Variants in HFE observed in about 807,000 individuals in gnomAD.
HFE encodes the protein hereditary hemochromatosis protein.
A neutral mutation model predicts 40.9 loss-of-function variants in HFE; 36 were observed. That is an observed-to-expected ratio of 0.88 (90% CI 0.67 to 1.16). HFE has a LOEUF of 1.16. HFE is among the 50% of genes most tolerant of loss of function. The pLI is 0.00. For missense variants in HFE, 376 were observed against 432.0 expected, an observed-to-expected ratio of 0.87 and a Z score of 1.15; for synonymous variants, 157 against 165.4, an observed-to-expected ratio of 0.95 and a Z score of 0.39.
intron 5 of HFE, 150 bp from the exon 6 acceptor site, chr6:26,094,036 G>A: frequency 1.3e-6 from 1 of 778,544 alleles, no homozygotes; most frequent in South Asian, 1.4e-5. Flanking sequence ...AAGCCAATAA[G>A]CATTTCCAGA....
rs1763008894 is a variant in HFE at position 26,095,907 on chromosome 6, A to C, written c.*1681A>C. On this transcript the variant is annotated 3_prime_UTR_variant, in exon 6 of 6. Coordinates refer to ENST00000357618, the MANE Select transcript of HFE (RefSeq NM_000410.4). ...CTAGTGGCCCTGCTGGGCTTCACACACGGTGTCCTCCCTAGGCCAGTGCCT... is the reference window on the plus strand; with the variant it reads ...CTAGTGGCCCTGCTGGGCTTCACACCCGGTGTCCTCCCTAGGCCAGTGCCT... 1 of 152,402 alleles carries C rather than the reference A, an allele frequency of 6.6e-6. No homozygotes were observed. Among genetic ancestry groups the C allele is most frequent in the African/African-American group, 2.4e-5 (1 of 41,434 alleles). The allele number at this position is 152,402 out of a possible 1,614,324, so 9.4% of individuals were successfully genotyped here.
At position 26,094,186 on chromosome 6, in the gene HFE, G is replaced by A; in HGVS notation, c.1007G>A (p.Arg336Lys). 6.2e-7 allele frequency: 1 copy of A among 1,613,922 alleles called. No homozygotes were observed. Among genetic ancestry groups the A allele is most frequent in the Non-Finnish European group, 8.5e-7 (1 of 1,179,994 alleles). ...FIILRKRQGS[R>K]GAMGHYVLAE... Reference sequence around the variant, plus strand: ...TTTCCTGGGTCTCTTGTCTCCACAGGAGGAGCCATGGGGCACTACGTCTTA... The same window carrying A: ...TTTCCTGGGTCTCTTGTCTCCACAGAAGGAGCCATGGGGCACTACGTCTTA... Residue 336 changes from arginine to lysine, a missense_variant and splice_region_variant, in exon 6 of 6, where the codon AGA (arginine) becomes AAA (lysine). Physicochemically the swap from Arg to Lys is conservative, Grantham distance 26. This residue lies in a region of HFE where 173 missense variants were observed against 186.9 expected (regional missense o/e 0.93). Coordinates refer to ENST00000357618, the MANE Select transcript of HFE (RefSeq NM_000410.4).
chr6:26,088,208 A>G (rs1035937069), intron 1 of HFE, among the ~76,000 whole-genome samples: 31 of 152,142 alleles, frequency 2.0e-4, no homozygotes, highest in African/African-American at 5.8e-4. Flanking sequence ...GAACTGAACA[A>G]TTCTCTTTTC....
intron 5 of HFE, among the ~76,000 whole-genome samples, 189 bp from the exon 6 acceptor site, chr6:26,093,997 T>G (rs1762903000): frequency 6.6e-6 from 1 of 151,992 alleles, no homozygotes; most frequent in South Asian, 2.1e-4. Context: ...TGTTAAGAAG[T>G]TAGATGAGAG....
chr6:26,096,507 A>C lies in HFE; in HGVS notation c.*2281A>C, dbSNP rs1264248138. ...TGTTACTACATGCACTTGGCTGCATAAATGTGGTACAAGCATTCTGTCTTG... is the reference window on the plus strand; with the variant it reads ...TGTTACTACATGCACTTGGCTGCATCAATGTGGTACAAGCATTCTGTCTTG... On this transcript the variant is annotated 3_prime_UTR_variant, in exon 6 of 6. Coordinates refer to ENST00000357618, the MANE Select transcript of HFE (RefSeq NM_000410.4). The C allele has an allele frequency of 2.2e-6, 1 of 456,492 alleles. No individual in the cohort carries two copies. The highest frequency in any genetic ancestry group is 3.3e-4 in the Middle Eastern group (1 of 3,062). The allele number at this position is 456,492 out of a possible 1,614,324, so 28.3% of individuals were successfully genotyped here.
chr6:26,089,366 A>T (rs1278745572), intron 1 of HFE, among the ~76,000 whole-genome samples: 1 of 152,198 alleles, frequency 6.6e-6, no homozygotes, highest in East Asian at 1.9e-4. Context: ...GAGGAGCCAC[A>T]AACAAGGTTG....
At position 26,092,088 on chromosome 6, in the gene HFE, C is replaced by T. The variant is rs62625343; in HGVS notation, c.616+499C>T. Among the ~76,000 whole-genome samples the T allele has an allele frequency of 1.8e-3, 264 of 149,552 alleles. 1 individual carries two copies. In the Middle Eastern group the frequency reaches 0.028, roughly 16 times the overall value. ...AATTGGAAGGCTGAGGCAGGAGCAT[C>T]GCTTGAACCTGGGAAGCGGAAGTTG... is the stretch of plus-strand genomic sequence containing the variant. On this transcript the variant is annotated intron_variant, in intron 3 of 5. Transcript: ENST00000357618.
At chr6:26,087,960 C>T (rs1762403576) in intron 1 of HFE, among the ~76,000 whole-genome samples, 1 of 152,236 alleles carries the variant, frequency 6.6e-6, no homozygotes, top group Admixed American at 6.5e-5. Context: ...GCTGAGCAAA[C>T]CCACAGCAGG....
At chr6:26,087,792 G>C (rs1386260769) in intron 1 of HFE, among the ~76,000 whole-genome samples, 2 of 152,170 alleles carry the variant, frequency 1.3e-5, no homozygotes, top group Non-Finnish European at 1.5e-5. Flanking sequence ...CCCCCAACTA[G>C]AATGCTTTTA....
Position 26,094,474 on chromosome 6 carries a change from C to T in HFE, c.*248C>T. On this transcript the variant is annotated 3_prime_UTR_variant, in exon 6 of 6. Transcript: ENST00000357618. Reference sequence around the variant, plus strand: ...CCCTGGAACTGTCTCTCATGAACCTCAAGCTGCATCTAGAGGCTTCCTTCA... The same window carrying T: ...CCCTGGAACTGTCTCTCATGAACCTTAAGCTGCATCTAGAGGCTTCCTTCA... The T allele has an allele frequency of 2.8e-6, 2 of 703,200 alleles. No homozygotes were observed. The highest frequency in any genetic ancestry group is 3.0e-5 in the South Asian group (2 of 67,602). 43.6% of individuals were successfully genotyped at this position (703,200 alleles called of 1,614,324 possible).
rs1763008432 is a variant in HFE, at chr6:26,095,883, T to C, written c.*1657T>C. On this transcript the variant is annotated 3_prime_UTR_variant, in exon 6 of 6. Coordinates refer to ENST00000357618, the MANE Select transcript of HFE (RefSeq NM_000410.4). ...AAGGACTGTAATTGGTGGGGACAGC[T>C]AGTGGCCCTGCTGGGCTTCACACAC... is the stretch of plus-strand genomic sequence containing the variant. The C allele has an allele frequency of 6.6e-6, 1 of 152,424 alleles. No homozygotes were observed. 9.4% of individuals were successfully genotyped at this position (152,424 alleles called of 1,614,324 possible).
Position 26,097,539 on chromosome 6 carries a change from G to A in HFE, c.*3313G>A, listed in dbSNP as rs1763088016. ...ATGCAGCGCTGAGGGTTTTCCTGAA[G>A]GTAAAGGAATAAAGAATGGGTGGAG... On this transcript the variant is annotated 3_prime_UTR_variant, in exon 6 of 6. Coordinates refer to ENST00000357618, the MANE Select transcript of HFE (RefSeq NM_000410.4). The A allele has an allele frequency of 6.6e-6, 1 of 152,080 alleles. No homozygotes were observed. Among genetic ancestry groups the A allele is most frequent in the African/African-American group, 2.4e-5 (1 of 41,386 alleles). 9.4% of individuals were successfully genotyped at this position (152,080 alleles called of 1,614,324 possible). A position where few individuals can be genotyped will look rare whatever the true frequency, so the allele number is the denominator to read the frequency against.
rs1293104577 is a variant in HFE at position 26,096,467 on chromosome 6, C to T, written c.*2241C>T. 2.2e-6 allele frequency: 1 copy of T among 456,290 alleles called. No homozygotes were observed. Among genetic ancestry groups the T allele is most frequent in the Non-Finnish European group, 4.4e-6 (1 of 226,794 alleles). The allele number at this position is 456,290 out of a possible 1,614,324, so 28.3% of individuals were successfully genotyped here. A position where few individuals can be genotyped will look rare whatever the true frequency, so the allele number is the denominator to read the frequency against. On this transcript the variant is annotated 3_prime_UTR_variant, in exon 6 of 6. Coordinates refer to ENST00000357618, the MANE Select transcript of HFE (RefSeq NM_000410.4). ...AGTCTTAATATATATATCCAGATGG[C>T]ATGTGTTTACTTTATGTTACTACAT...
Position 26,095,120 on chromosome 6 carries a change from C to T in HFE, c.*894C>T, listed in dbSNP as rs1409467215. The T allele has an allele frequency of 6.5e-6, 1 of 152,846 alleles. No homozygotes were observed. Among genetic ancestry groups the T allele is most frequent in the African/African-American group, 2.4e-5 (1 of 41,464 alleles). The allele number at this position is 152,846 out of a possible 1,614,324, so 9.5% of individuals were successfully genotyped here. On this transcript the variant is annotated 3_prime_UTR_variant, in exon 6 of 6. Transcript: ENST00000357618. ...TCCGACTCTTCTGAGCACCTACTTA[C>T]ATGCATTACTGCATGCACTTCTTAC... is the stretch of plus-strand genomic sequence containing the variant.
rs1693742895 is a variant in HFE, at chr6:26,091,540, A to C, written c.567A>C (p.Ala189=). The C allele has an allele frequency of 6.2e-7, 1 of 1,613,820 alleles. No homozygotes were observed. Among genetic ancestry groups the C allele is most frequent in the Admixed American group, 1.7e-5 (1 of 59,996 alleles). Reference sequence around the variant, plus strand: ...CCTACCTGGAGAGGGACTGCCCTGCACAGCTGCAGCAGTTGCTGGAGCTGG... The same window carrying C: ...CCTACCTGGAGAGGGACTGCCCTGCCCAGCTGCAGCAGTTGCTGGAGCTGG... ...NRAYLERDCP[A]QLQQLLELGR... The change falls in exon 3 of 6, where the codon GCA becomes GCC. Residue 189 remains alanine (A), a synonymous_variant. Coordinates refer to ENST00000357618, the MANE Select transcript of HFE (RefSeq NM_000410.4).
In HFE at chr6:26,097,836, A is replaced by G. The variant is rs1048159613; in HGVS notation, c.*3610A>G. The G allele has an allele frequency of 2.6e-5, 4 of 152,244 alleles. No homozygotes were observed. The highest frequency in any genetic ancestry group is 2.0e-4 in the Admixed American group (3 of 15,284). The allele number at this position is 152,244 out of a possible 1,614,324, so 9.4% of individuals were successfully genotyped here. A position where few individuals can be genotyped will look rare whatever the true frequency, so the allele number is the denominator to read the frequency against. The stretch of plus-strand genomic sequence containing the variant: ...TAATACTGTCAGTATTTTATAAAAC[A>G]TTCTTCACAAACTCACACACATTTA... On this transcript the variant is annotated 3_prime_UTR_variant, in exon 6 of 6. Coordinates refer to ENST00000357618, the MANE Select transcript of HFE (RefSeq NM_000410.4).
In HFE at chr6:26,092,939, C is replaced by A; in HGVS notation, c.871C>A (p.Gln291Lys). The A allele has an allele frequency of 6.2e-7, 1 of 1,614,106 alleles. No individual in the cohort carries two copies. The highest frequency in any genetic ancestry group is 8.5e-7 in the Non-Finnish European group (1 of 1,180,026). ...TCQVEHPGLD[Q>K]PLIVIWEPSP... ...CCAGGTGGAGCACCCAGGCCTGGAT[C>A]AGCCCCTCATTGTGATCTGGGGTAT... The change falls in exon 4 of 6, where the codon CAG becomes AAG. Residue 291 changes from glutamine to lysine, a missense_variant. Gln to Lys is a moderately conservative substitution (Grantham distance 53, BLOSUM62 1). This residue lies in a region of HFE where 173 missense variants were observed against 186.9 expected (regional missense o/e 0.93). Transcript: ENST00000357618.
intron 1 of HFE, among the ~76,000 whole-genome samples, chr6:26,088,081 G>T (rs1181175943): frequency 6.6e-6 from 1 of 152,228 alleles, no homozygotes; most frequent in African/African-American, 2.4e-5. Flanking sequence ...GGTGAGACCT[G>T]GGGTGGAGGT....
intron 1 of HFE, among the ~76,000 whole-genome samples, chr6:26,089,641 G>A (rs1762537056): frequency 6.6e-6 from 1 of 152,166 alleles, no homozygotes; most frequent in Non-Finnish European, 1.5e-5. Context: ...TATGTTGTGT[G>A]AGAGAAAGAG....
Sources: allele counts gnomAD v4.1 joint callset (sites outside exome capture counted in the v4.1 genomes callset), GRCh38; gene constraint gnomAD v4.1.1; regional missense constraint gnomAD v4.1.1; transcripts MANE v1.5; gene names NCBI Gene and HGNC (gene_info 2026-07-23, HGNC 2026-07-21).